Variants in CUBN observed in about 807,000 individuals in gnomAD.
The protein encoded by CUBN is 460 kDa receptor.
Under a neutral mutation model 405.3 loss-of-function variants are expected in CUBN, and 282 were observed. That is an observed-to-expected ratio of 0.70 (90% CI 0.63 to 0.77). The LOEUF (loss-of-function observed/expected upper bound fraction) is 0.77. Among genes scored for constraint, CUBN ranks in the 30% least tolerant of loss-of-function variants. The probability of loss-of-function intolerance (pLI) is 0.00; values close to 1 mark genes in which losing one functional copy is unlikely to be tolerated. For missense variants in CUBN, 4,514 were observed against 4,475.2 expected (o/e 1.01, Z -0.25); for synonymous variants, 1,684 against 1,617.0 (o/e 1.04, Z -0.99).
intron 57 of CUBN, among the ~76,000 whole-genome samples, chr10:16,876,457 T>TA (rs1205364922): frequency 6.6e-6 from 1 of 152,160 alleles, no homozygotes; most frequent in East Asian, 1.9e-4. Flanking sequence ...CATAGTGTTT[T>TA]AAAAAAGTCT....
At chr10:16,949,573 GAATT>G (rs1037299554) in intron 34 of CUBN, among the ~76,000 whole-genome samples, 1 of 151,390 alleles carries the variant, frequency 6.6e-6, no homozygotes, top group Admixed American at 6.6e-5. Context: ...ATTTTTAATG[GAATT>G]AATTAATTAA....
intron 22 of CUBN, among the ~76,000 whole-genome samples, chr10:17,061,129 T>C (rs929449538): frequency 5.9e-5 from 9 of 152,038 alleles, no homozygotes; most frequent in African/African-American, 2.2e-4. Context: ...CTAATTAGTA[T>C]CAAGGCTGAG....
rs755241814 is a variant in CUBN at position 16,948,587 on chromosome 10, G to A, written c.5100C>T (p.Asp1700=). The change falls in exon 35 of 67, where the codon GAC becomes GAT. Residue 1700 remains aspartate, a synonymous_variant. Coordinates refer to ENST00000377833, the MANE Select transcript of CUBN (RefSeq NM_001081.4). ...TGAAGGATGTGATAGGATGGGGCAT[G>A]TCGGTGCCACAGTAACGGCCTAAAT... ...APLRGRYCGT[D]MPHPITSFSS... The A allele has an allele frequency of 1.2e-6, 2 of 1,613,864 alleles. No individual in the cohort carries two copies. The highest frequency in any genetic ancestry group is 1.7e-5 in the Admixed American group (1 of 59,992).
At chr10:16,883,221 G>C (rs76836811) in intron 56 of CUBN, among the ~76,000 whole-genome samples, 1 of 152,236 alleles carries the variant, frequency 6.6e-6, no homozygotes, top group East Asian at 1.9e-4. Flanking sequence ...TCTCCTCTAC[G>C]GAGGCATGAT....
At chr10:16,994,883 A>T (rs1833689764) in intron 28 of CUBN, among the ~76,000 whole-genome samples, 1 of 152,222 alleles carries the variant, frequency 6.6e-6, no homozygotes, top group Non-Finnish European at 1.5e-5. Context: ...TGAGGTCATG[A>T]GTTCGAGACC....
At chr10:17,065,214 A>G (rs1018726523) in intron 22 of CUBN, among the ~76,000 whole-genome samples, 4 of 148,372 alleles carry the variant, frequency 2.7e-5, no homozygotes, top group Non-Finnish European at 4.4e-5. Context: ...TGGAGACATT[A>G]TATTTCTTTA....
intron 28 of CUBN, among the ~76,000 whole-genome samples, 175 bp from the exon 29 acceptor site, chr10:16,990,690 A>G (rs1833559705): frequency 6.6e-6 from 1 of 152,238 alleles, no homozygotes; most frequent in Admixed American, 6.5e-5. Context: ...GAAAAAAATC[A>G]TGGCTACAAC....
chr10:16,947,461 G>A, intron 35 of CUBN, 94 bp from the exon 36 acceptor site: 1 of 1,262,062 alleles, frequency 7.9e-7, no homozygotes, highest in South Asian at 1.2e-5. Flanking sequence ...CATTATCAAT[G>A]TAAAAGAATA....
chr10:17,108,448 T>C (rs924869262), intron 10 of CUBN, among the ~76,000 whole-genome samples: 21 of 152,194 alleles, frequency 1.4e-4, no homozygotes, highest in African/African-American at 4.6e-4. Flanking sequence ...TATGCAAGTA[T>C]ATGACAAATT....
At chr10:17,016,056 C>T (rs11528676) in intron 28 of CUBN, among the ~76,000 whole-genome samples, 57,165 of 151,850 alleles carry the variant, frequency 0.38, 11,149 homozygotes, top group East Asian at 0.59. Context: ...TTCTGGAGCC[C>T]TCTCCTGATA....
chr10:16,954,042 T>C (rs1193595923), intron 32 of CUBN, among the ~76,000 whole-genome samples: 2 of 152,192 alleles, frequency 1.3e-5, no homozygotes, highest in Non-Finnish European at 1.5e-5. Flanking sequence ...TCTGAATACA[T>C]TACAAGCAAG....
At chr10:17,073,872 T>C (rs1835794177) in intron 17 of CUBN, among the ~76,000 whole-genome samples, 1 of 152,186 alleles carries the variant, frequency 6.6e-6, no homozygotes. Flanking sequence ...TCTAAGCTCA[T>C]GGGATTGTTG....
At chr10:16,936,205 C>T (rs1842500411) in intron 39 of CUBN, among the ~76,000 whole-genome samples, 1 of 151,992 alleles carries the variant, frequency 6.6e-6, no homozygotes, top group Non-Finnish European at 1.5e-5. Context: ...TAATATTTTA[C>T]ACAAGTAAAT....
In CUBN at chr10:17,047,513, C is replaced by T. The variant is rs184585798; in HGVS notation, c.3230G>A (p.Arg1077Gln). 7.5e-5 allele frequency: 121 copies of T among 1,613,702 alleles called. No individual in the cohort carries two copies. In the African/African-American group the frequency reaches 1.3e-3, roughly 18 times the overall value. ...CAGTTGGCCAGTTCTCACTGTGATC[C>T]GATAAATGCATTCCCAGTTGTTGGG... ...NYPNNWECIY[R>Q]ITVRTGQLIA... The change falls in exon 23 of 67, where the codon CGG becomes CAG. Residue 1077 changes from arginine to glutamine, a missense_variant. Arg to Gln is a conservative substitution (Grantham distance 43, BLOSUM62 1). Coordinates refer to ENST00000377833, the MANE Select transcript of CUBN (RefSeq NM_001081.4).
chr10:16,938,182 G>C (rs1842569411), intron 38 of CUBN, among the ~76,000 whole-genome samples: 1 of 152,046 alleles, frequency 6.6e-6, no homozygotes, highest in Non-Finnish European at 1.5e-5. Context: ...GAAGAGAAAA[G>C]CTTTAATGAG....
chr10:17,083,710 A>C (rs1836027472), intron 17 of CUBN, among the ~76,000 whole-genome samples: 1 of 152,178 alleles, frequency 6.6e-6, no homozygotes, highest in Non-Finnish European at 1.5e-5. Flanking sequence ...ACAAAATTGT[A>C]AATTCTTCTC....
At chr10:16,949,591 T>TTAA (rs1564442191) in intron 34 of CUBN, among the ~76,000 whole-genome samples, 1 of 151,504 alleles carries the variant, frequency 6.6e-6, no homozygotes, top group Admixed American at 6.6e-5. Flanking sequence ...TAATTAATTA[T>TTAA]CTAATTAAGT....
chr10:16,900,634 G>T lies in CUBN; in HGVS notation c.8401C>A (p.Gln2801Lys). Residue 2801 changes from glutamine to lysine, a missense_variant, in exon 53 of 67, where the codon CAA becomes AAA. Transcript: ENST00000377833. ...GGGFYATWNT[Q>K]TLGCGGIFHS... is the part of the protein sequence containing the mutation. ...CAAACATTTCTTTTACCTAAAGTTT[G>T]TGTGTTCCACGTAGCATAAAATCCA... 6.2e-7 allele frequency: 1 copy of T among 1,611,888 alleles called. No individual in the cohort carries two copies. Among genetic ancestry groups the T allele is most frequent in the Non-Finnish European group, 8.5e-7 (1 of 1,177,884 alleles).
chr10:17,022,893 C>G (rs1834535058), intron 27 of CUBN, among the ~76,000 whole-genome samples: 2 of 152,342 alleles, frequency 1.3e-5, no homozygotes, highest in Middle Eastern at 3.4e-3. Flanking sequence ...GCTAAGTCAT[C>G]ATAACCCTTA....
Sources: gnomAD v4.1 joint callset for allele counts (sites outside exome capture counted in the v4.1 genomes callset) on GRCh38, gnomAD v4.1.1 for gene constraint, MANE v1.5 for transcripts, NCBI Gene and HGNC (gene_info 2026-07-23, HGNC 2026-07-21) for gene names.